NCAM1: variants seen among roughly 807,000 people sequenced by gnomAD.
The protein encoded by NCAM1 is neural cell adhesion molecule 1.
A neutral mutation model predicts 109.8 loss-of-function variants in NCAM1; 14 were observed. The observed-to-expected ratio is 0.13, with a 90% CI of 0.08 to 0.20. NCAM1 has a LOEUF of 0.20. NCAM1 is among the 10% of genes least tolerant of loss of function. NCAM1 has a pLI of 1.00. For synonymous variants in NCAM1, 418 were observed against 442.9 expected (o/e 0.94, Z 0.70); for missense variants, 774 against 1,109.9 (o/e 0.70, Z 4.30).
In NCAM1 at chr11:113,231,502, A is replaced by G. The variant is rs1555117189; in HGVS notation, c.1090-143A>G. ...AGATGGTACCTAAAGTAAGAAAGCC[A>G]TTGACACAGAGAGGAGAGAGGAAGT... On this transcript the variant is annotated intron_variant, in intron 9 of 19. Coordinates refer to ENST00000316851, the MANE Select transcript of NCAM1 (RefSeq NM_181351.5). 3 of 961,240 alleles carry G rather than the reference A, an allele frequency of 3.1e-6. No individual in the cohort carries two copies. The African/African-American group carries it at 4.9e-5, about 16-fold the overall frequency. 59.5% of individuals were successfully genotyped at this position (961,240 alleles called of 1,614,324 possible).
At chr11:113,240,207 G>C (rs782365245) in intron 14 of NCAM1, among the ~76,000 whole-genome samples, 13 of 152,186 alleles carry the variant, frequency 8.5e-5, no homozygotes, top group Non-Finnish European at 1.8e-4. Context: ...AGTGGTTGCA[G>C]CATCATCTGT....
chr11:113,270,029 T>C, intron 17 of NCAM1, 159 bp from the exon 18 acceptor site: 1 of 685,186 alleles, frequency 1.5e-6, no homozygotes, highest in East Asian at 2.5e-5. Flanking sequence ...GTTTTCTCAA[T>C]TCTGGGGCAT....
At chr11:113,007,775 T>C (rs1464707421) in intron 1 of NCAM1, among the ~76,000 whole-genome samples, 5 of 152,180 alleles carry the variant, frequency 3.3e-5, no homozygotes, top group Admixed American at 1.3e-4. Context: ...GCATTGCCAG[T>C]GTTCTTCAAG....
chr11:112,983,587 G>T (rs4444109), intron 1 of NCAM1, among the ~76,000 whole-genome samples: 45,877 of 151,564 alleles, frequency 0.3, 7,964 homozygotes, highest in East Asian at 0.67. Context: ...GGTTGTATCA[G>T]AACTCAATTC....
chr11:113,155,322 A>G (rs1453885622), intron 1 of NCAM1, among the ~76,000 whole-genome samples: 1 of 152,076 alleles, frequency 6.6e-6, no homozygotes, highest in Non-Finnish European at 1.5e-5. Context: ...GTTCAAGACC[A>G]ACATAGTGAA....
chr11:113,225,036 C>T (rs1555115965), intron 9 of NCAM1, among the ~76,000 whole-genome samples: 20 of 152,178 alleles, frequency 1.3e-4, no homozygotes, highest in Non-Finnish European at 8.8e-5. Context: ...CTCTTCTTCT[C>T]CAAAGGAACG....
At chr11:112,978,352 G>C (rs939259921) in intron 1 of NCAM1, among the ~76,000 whole-genome samples, 1 of 151,758 alleles carries the variant, frequency 6.6e-6, no homozygotes, top group Non-Finnish European at 1.5e-5. Context: ...TTCGGTTAAT[G>C]CCTGGAAGAT....
chr11:113,233,425 C>G lies in NCAM1; in HGVS notation c.1693+108C>G. On this transcript the variant is annotated intron_variant, in intron 13 of 19. Transcript: ENST00000316851. The surrounding 1 kb of genome is among the most constrained non-coding windows in gnomAD (Gnocchi z 4.5). ...TCCTACAGAATCAGGAACTGCACCTCCAGAATTAGGTCAAAGTCATATCTG... is the reference window on the plus strand; with the variant it reads ...TCCTACAGAATCAGGAACTGCACCTGCAGAATTAGGTCAAAGTCATATCTG... The G allele has an allele frequency of 8.2e-7, 1 of 1,218,590 alleles. No individual in the cohort carries two copies. Among genetic ancestry groups the G allele is most frequent in the Middle Eastern group, 2.3e-4 (1 of 4,280 alleles). 75.5% of individuals were successfully genotyped at this position (1,218,590 alleles called of 1,614,324 possible).
chr11:113,096,564 T>C (rs1348468615), intron 1 of NCAM1, among the ~76,000 whole-genome samples: 1 of 152,162 alleles, frequency 6.6e-6, no homozygotes, highest in African/African-American at 2.4e-5. Context: ...ACCCTGAGTA[T>C]GTTTTCTAAG....
At chr11:112,976,754 T>G (rs1951018191) in intron 1 of NCAM1, among the ~76,000 whole-genome samples, 1 of 151,950 alleles carries the variant, frequency 6.6e-6, no homozygotes, top group South Asian at 2.1e-4. Flanking sequence ...TCTATATATA[T>G]TTTTGAAATA....
chr11:113,017,173 A>G (rs1287482749), intron 1 of NCAM1, among the ~76,000 whole-genome samples: 1 of 152,202 alleles, frequency 6.6e-6, no homozygotes, highest in African/African-American at 2.4e-5. Flanking sequence ...CTTCTCTCAG[A>G]GGACCTGAGA....
chr11:112,980,909 C>A (rs149975213), intron 1 of NCAM1, among the ~76,000 whole-genome samples: 6 of 151,930 alleles, frequency 3.9e-5, no homozygotes, highest in Middle Eastern at 3.4e-3. Context: ...GCTAAGATTA[C>A]CCCTGGCAAA....
intron 1 of NCAM1, among the ~76,000 whole-genome samples, chr11:113,179,056 C>A (rs1030878956): frequency 2.6e-5 from 4 of 152,096 alleles, no homozygotes; most frequent in South Asian, 2.1e-4. Context: ...TTGGTAATAC[C>A]ATGTTGGTAG....
At chr11:113,247,726 G>A (rs1349550689) in intron 15 of NCAM1, among the ~76,000 whole-genome samples, 1 of 152,194 alleles carries the variant, frequency 6.6e-6, no homozygotes, top group Admixed American at 6.5e-5. Flanking sequence ...GACATCTGAT[G>A]CAGTCCACGC....
At position 113,277,469 on chromosome 11, in the gene NCAM1, A is replaced by C. The variant is rs1946420406; in HGVS notation, c.*2082A>C. 2.5e-6 allele frequency: 1 copy of C among 398,988 alleles called. No homozygotes were observed. Among genetic ancestry groups the C allele is most frequent in the Non-Finnish European group, 4.4e-6 (1 of 226,070 alleles). The allele number at this position is 398,988 out of a possible 1,614,324, so 24.7% of individuals were successfully genotyped here. On this transcript the variant is annotated 3_prime_UTR_variant, in exon 20 of 20. Transcript: ENST00000316851. The stretch of plus-strand genomic sequence containing the variant: ...TCAGAATAGAGGAACATGAAGAGAG[A>C]TCTTAGAGCACACAGTAGAATGTGA...
At chr11:113,100,319 C>T (rs925639483) in intron 1 of NCAM1, among the ~76,000 whole-genome samples, 1 of 152,058 alleles carries the variant, frequency 6.6e-6, no homozygotes, top group South Asian at 2.1e-4. Flanking sequence ...TCTGGCCCCA[C>T]AGTAGCATCT....
intron 1 of NCAM1, among the ~76,000 whole-genome samples, chr11:113,081,662 T>C (rs1434836628): frequency 1.3e-5 from 2 of 152,108 alleles, no homozygotes; most frequent in Non-Finnish European, 2.9e-5. Flanking sequence ...GCCTCTCAAG[T>C]AGCTGAGATT....
At chr11:113,055,338 G>A (rs782242633) in intron 1 of NCAM1, among the ~76,000 whole-genome samples, 4 of 152,146 alleles carry the variant, frequency 2.6e-5, no homozygotes, top group Non-Finnish European at 2.9e-5. Flanking sequence ...TACAGAGCCC[G>A]TTACAAAAAT....
intron 15 of NCAM1, among the ~76,000 whole-genome samples, chr11:113,246,618 C>T (rs188703957): frequency 6.6e-6 from 1 of 152,342 alleles, no homozygotes; most frequent in East Asian, 1.9e-4. Context: ...CTACAGTCAA[C>T]CCACATTAGC....
Sources: allele counts gnomAD v4.1 joint callset (sites outside exome capture counted in the v4.1 genomes callset), GRCh38; gene constraint gnomAD v4.1.1; non-coding constraint Gnocchi (gnomAD v3.1); transcripts MANE v1.5; gene names NCBI Gene and HGNC (gene_info 2026-07-23, HGNC 2026-07-21).